Variants in MDGA2 observed in about 807,000 individuals in gnomAD.
MDGA2 encodes MAM domain containing glycosylphosphatidylinositol anchor 2, also known as MAM domain-containing glycosylphosphatidylinositol anchor protein 2.
In MDGA2, 40 loss-of-function variants were observed where a neutral mutation model predicts 117.8. The ratio of observed to expected loss-of-function variants is 0.34; its 90% CI spans 0.26 to 0.44. The LOEUF is 0.44. Ranked by LOEUF, MDGA2 falls within the 20% of genes least tolerant of loss-of-function variation. The pLI, the probability that MDGA2 is intolerant of heterozygous loss-of-function variation, is 1.00. For missense variants in MDGA2, 1,123 were observed against 1,250.6 expected, an observed-to-expected ratio of 0.90 and a Z score of 1.54; for synonymous variants, 452 against 439.0, an observed-to-expected ratio of 1.03 and a Z score of -0.37.
Position 46,841,850 on chromosome 14 carries a change from G to T in MDGA2, c.*81C>A. 2 of 953,020 alleles carry T rather than the reference G, an allele frequency of 2.1e-6. No individual in the cohort carries two copies. Among genetic ancestry groups the T allele is most frequent in the Non-Finnish European group, 3.2e-6 (2 of 626,916 alleles). The allele number at this position is 953,020 out of a possible 1,614,324, so 59.0% of individuals were successfully genotyped here. A position where few individuals can be genotyped will look rare whatever the true frequency, so the allele number is the denominator to read the frequency against. The stretch of plus-strand genomic sequence containing the variant: ...TCAGTGGAGGAATCTTTGGTAGTTT[G>T]TTTGTTCAATGTCCATTTACAAAGA... On this transcript the variant is annotated 3_prime_UTR_variant, in exon 17 of 17. Coordinates refer to ENST00000399232, the MANE Select transcript of MDGA2 (RefSeq NM_001113498.3).
chr14:47,547,258 A>G (rs7159246), intron 1 of MDGA2, among the ~76,000 whole-genome samples: 48,366 of 152,114 alleles, frequency 0.32, 8,569 homozygotes, highest in East Asian at 0.6. Flanking sequence ...CAGGGCAACA[A>G]TAAAAGGTAA....
At chr14:47,401,025 GGGATTACAGGCGTGAGCCACCGTGCCC>G (rs1264472477) in intron 1 of MDGA2, among the ~76,000 whole-genome samples, 1 of 151,326 alleles carries the variant, frequency 6.6e-6, no homozygotes, top group East Asian at 2.0e-4. Flanking sequence ...CTAAAGTGCT[GGGATTACAGGCGTGAGCCACCGTGCCC>G]GGCCGGCATT....
At chr14:47,062,738 T>C (rs1037130489) in intron 6 of MDGA2, among the ~76,000 whole-genome samples, 12 of 152,162 alleles carry the variant, frequency 7.9e-5, no homozygotes, top group Admixed American at 6.6e-4. Flanking sequence ...AGTTTAACCA[T>C]ATTTTTGTCA....
At chr14:47,419,377 T>C (rs1045821548) in intron 1 of MDGA2, among the ~76,000 whole-genome samples, 10 of 152,266 alleles carry the variant, frequency 6.6e-5, no homozygotes, top group African/African-American at 1.7e-4. Flanking sequence ...TGTAGGCTGA[T>C]TGACCCATGA....
intron 8 of MDGA2, among the ~76,000 whole-genome samples, chr14:47,003,566 A>G (rs1286179566): frequency 3.9e-5 from 6 of 152,056 alleles, no homozygotes; most frequent in African/African-American, 1.4e-4. Flanking sequence ...ATGAGTAATA[A>G]TGTTGAGTAC....
chr14:46,987,764 A>G (rs913695064), intron 8 of MDGA2, among the ~76,000 whole-genome samples: 2 of 152,030 alleles, frequency 1.3e-5, no homozygotes, highest in African/African-American at 4.8e-5. Flanking sequence ...TGTTGCTTCT[A>G]TGTGCAAAGC....
intron 7 of MDGA2, among the ~76,000 whole-genome samples, chr14:47,056,604 C>T (rs1461757179): frequency 2.0e-5 from 3 of 151,758 alleles, no homozygotes; most frequent in Admixed American, 6.6e-5. Context: ...TTTAGGTTTT[C>T]GAGGCATGAT....
chr14:47,533,419 T>C (rs1044720050), intron 1 of MDGA2, among the ~76,000 whole-genome samples: 1 of 152,210 alleles, frequency 6.6e-6, no homozygotes, highest in African/African-American at 2.4e-5. Context: ...TTGGGATTTA[T>C]TGATTGATCA....
intron 2 of MDGA2, among the ~76,000 whole-genome samples, chr14:47,221,539 T>G (rs1039086078): frequency 6.6e-6 from 1 of 151,952 alleles, no homozygotes; most frequent in East Asian, 1.9e-4. Context: ...ATACAAAAAA[T>G]TAGCCGGGAG....
At chr14:47,223,757 A>C (rs1886380826) in intron 2 of MDGA2, among the ~76,000 whole-genome samples, 1 of 152,148 alleles carries the variant, frequency 6.6e-6, no homozygotes, top group South Asian at 2.1e-4. Flanking sequence ...ATGAAGAAAT[A>C]CCCAAGACTA....
At chr14:46,934,753 G>A (rs1884714834) in intron 9 of MDGA2, among the ~76,000 whole-genome samples, 1 of 152,114 alleles carries the variant, frequency 6.6e-6, no homozygotes, top group Non-Finnish European at 1.5e-5. Context: ...AGCAAATGCT[G>A]TAAGAACGCA....
At chr14:47,637,013 C>T (rs921393341) in intron 1 of MDGA2, among the ~76,000 whole-genome samples, 1 of 151,826 alleles carries the variant, frequency 6.6e-6, no homozygotes, top group African/African-American at 2.4e-5. Flanking sequence ...TATGCATATA[C>T]TTAAAGCAGT....
chr14:47,490,619 T>C (rs1894149064), intron 1 of MDGA2, among the ~76,000 whole-genome samples: 1 of 152,118 alleles, frequency 6.6e-6, no homozygotes, highest in Non-Finnish European at 1.5e-5. Context: ...AAGGAGGTGC[T>C]AAAAAGCTAT....
intron 1 of MDGA2, among the ~76,000 whole-genome samples, chr14:47,309,278 A>G (rs1249822041): frequency 1.3e-5 from 2 of 152,142 alleles, no homozygotes; most frequent in Non-Finnish European, 2.9e-5. Flanking sequence ...CAATATCCAC[A>G]TCAATGTAAA....
At chr14:46,930,905 T>TAAA (rs1019492462) in intron 9 of MDGA2, among the ~76,000 whole-genome samples, 7 of 152,094 alleles carry the variant, frequency 4.6e-5, no homozygotes, top group Non-Finnish European at 7.4e-5. Flanking sequence ...GTACTTAAAA[T>TAAA]AAAACTCTTT....
intron 9 of MDGA2, among the ~76,000 whole-genome samples, chr14:46,924,699 TACAG>T (rs766463230): frequency 6.6e-6 from 1 of 151,972 alleles, no homozygotes; most frequent in Non-Finnish European, 1.5e-5. Context: ...AAAAAACTCA[TACAG>T]ACAACAAATT....
chr14:47,464,351 G>C (rs141110182), intron 1 of MDGA2, among the ~76,000 whole-genome samples: 1,640 of 152,164 alleles, frequency 0.011, 18 homozygotes, highest in Admixed American at 0.034. Context: ...AATCAGACAA[G>C]AGAAAGAAAT....
At position 47,348,509 on chromosome 14, in the gene MDGA2, G is replaced by T. The variant is rs569641583; in HGVS notation, c.281-46959C>A. ...GTATAGGCATGAGCTACCGCATCAGGCCCCTTAACATATTTAAATGCTTAT... is the reference window on the plus strand; with the variant it reads ...GTATAGGCATGAGCTACCGCATCAGTCCCCTTAACATATTTAAATGCTTAT... On this transcript the variant is annotated intron_variant, in intron 1 of 16. Transcript: ENST00000399232. Among the ~76,000 whole-genome samples, 369 of 152,188 alleles carry T rather than the reference G, an allele frequency of 2.4e-3. 2 individuals carry two copies. Among genetic ancestry groups the T allele is most frequent in the Non-Finnish European group, 3.8e-3 (260 of 68,016 alleles).
rs147047706 is a variant in MDGA2 at position 47,180,212 on chromosome 14, G to A, written c.596-35938C>T. 3.9e-3 allele frequency among the ~76,000 whole-genome samples: 586 copies of A among 152,118 alleles called. 2 individuals are homozygous for A. Among genetic ancestry groups the A allele is most frequent in the Non-Finnish European group, 5.9e-3 (401 of 67,996 alleles). The stretch of plus-strand genomic sequence containing the variant: ...CCTCTGGCCTCTGTTAGGCCCCAAT[G>A]TATGTTGTTCCCCTCTAAGCATCCA... On this transcript the variant is annotated intron_variant, in intron 3 of 16. Coordinates refer to ENST00000399232, the MANE Select transcript of MDGA2 (RefSeq NM_001113498.3).
Sources: allele counts gnomAD v4.1 joint callset (sites outside exome capture counted in the v4.1 genomes callset), GRCh38; gene constraint gnomAD v4.1.1; transcripts MANE v1.5; gene names NCBI Gene and HGNC (gene_info 2026-07-23, HGNC 2026-07-21).